The following P3H2 variants were observed in gnomAD, a reference collection of about 807,000 sequenced individuals.
The protein encoded by P3H2 is leprecan-like 1.
P3H2 carries 80 observed loss-of-function variants against 87.0 expected under a neutral mutation model. That is an observed-to-expected ratio of 0.92 (90% CI 0.77 to 1.11). The LOEUF is 1.11. Ranked by LOEUF, P3H2 falls within the 50% of genes least tolerant of loss-of-function variation. The pLI, the probability that P3H2 is intolerant of heterozygous loss-of-function variation, is 0.00. For missense variants in P3H2, 1,001 were observed against 923.9 expected (o/e 1.08, Z -1.08); for synonymous variants, 367 against 359.3 (o/e 1.02, Z -0.24).
At chr3:190,099,090 T>A in intron 1 of P3H2, among the ~76,000 whole-genome samples, 1 of 152,274 alleles carries the variant, frequency 6.6e-6, no homozygotes, top group East Asian at 1.9e-4. Context: ...GATATAAGAA[T>A]AATAACAAAT....
In P3H2 at chr3:190,019,545, A is replaced by C. The variant is rs373342490; in HGVS notation, c.481-24103T>G. Among the ~76,000 whole-genome samples, 98 of 148,088 alleles carry C rather than the reference A, an allele frequency of 6.6e-4. 12 individuals are homozygous for C. In the South Asian group the frequency reaches 0.017, roughly 26 times the overall value. ...TGTCCCTTTATCCCTATATCCATAG[A>C]TGTCTGGATGCTCATTATCGTTTCT... On this transcript the variant is annotated intron_variant, in intron 1 of 14. Coordinates refer to ENST00000319332, the MANE Select transcript of P3H2 (RefSeq NM_018192.4).
At chr3:189,967,893 T>G (rs1328005236) in intron 13 of P3H2, among the ~76,000 whole-genome samples, 1 of 152,324 alleles carries the variant, frequency 6.6e-6, no homozygotes, top group East Asian at 1.9e-4. Context: ...TACTGTGTGA[T>G]GAATAACATA....
At chr3:190,036,688 T>C (rs897851614) in intron 1 of P3H2, among the ~76,000 whole-genome samples, 2 of 152,214 alleles carry the variant, frequency 1.3e-5, no homozygotes, top group African/African-American at 4.8e-5. Flanking sequence ...TCACTGAGTC[T>C]ACCTTTGACT....
chr3:190,035,791 G>A (rs1725400437), intron 1 of P3H2, among the ~76,000 whole-genome samples: 1 of 152,102 alleles, frequency 6.6e-6, no homozygotes, highest in Non-Finnish European at 1.5e-5. Context: ...GCTGCTTGGG[G>A]GATTTAAAGC....
At chr3:190,052,537 T>A (rs1479516685) in intron 1 of P3H2, among the ~76,000 whole-genome samples, 2 of 107,884 alleles carry the variant, frequency 1.9e-5, no homozygotes, top group Non-Finnish European at 4.9e-5. Context: ...TCTTTCTCCA[T>A]GCTTAGCACT....
intron 1 of P3H2, 97 bp downstream of exon 1, chr3:190,120,155 G>A: frequency 7.0e-7 from 1 of 1,434,302 alleles, no homozygotes; most frequent in African/African-American, 1.4e-5. Context: ...GACCCAATTC[G>A]AAAGACTGAA....
intron 1 of P3H2, among the ~76,000 whole-genome samples, chr3:190,015,958 C>T (rs1054260565): frequency 2.0e-5 from 3 of 152,018 alleles, no homozygotes; most frequent in South Asian, 2.1e-4. Context: ...TGTGTATCTG[C>T]GTTGGAGGGT....
At position 189,974,623 on chromosome 3, in the gene P3H2, G is replaced by A. The variant is rs1440913446; in HGVS notation, c.1387C>T (p.Gln463Ter). 3.7e-6 allele frequency: 6 copies of A among 1,614,042 alleles called. No individual in the cohort carries two copies. The highest frequency in any genetic ancestry group is 5.1e-6 in the Non-Finnish European group (6 of 1,180,034). Residue 463 changes from glutamine (Q) to a stop codon, truncating the protein, a stop_gained, in exon 9 of 15, where the codon CAG (glutamine) becomes TAG (stop). Coordinates refer to ENST00000319332, the MANE Select transcript of P3H2 (RefSeq NM_018192.4). LOFTEE classifies it high-confidence loss of function. ...AGGACGTTATCCAGGAGAACCCGCT[G>A]AGTCCCGTTCAGCTGCTCCGAGTTG... ...VYNSEQLNGT[Q>*]RVLLDNVLSE...
intron 1 of P3H2, among the ~76,000 whole-genome samples, chr3:190,088,101 A>C (rs1727286186): frequency 6.6e-6 from 1 of 152,196 alleles, no homozygotes; most frequent in African/African-American, 2.4e-5. Flanking sequence ...TATGAAACAC[A>C]TGGAAATAAT....
chr3:189,978,741 CA>C (rs1036314089), intron 8 of P3H2, among the ~76,000 whole-genome samples: 1 of 151,172 alleles, frequency 6.6e-6, no homozygotes, highest in Non-Finnish European at 1.5e-5. Context: ...GCAAGTCAAC[CA>C]GCCTCCATAT....
At chr3:190,036,280 T>A (rs1355161211) in intron 1 of P3H2, among the ~76,000 whole-genome samples, 1 of 152,196 alleles carries the variant, frequency 6.6e-6, no homozygotes, top group Non-Finnish European at 1.5e-5. Context: ...TAATGATGCA[T>A]TCCACATATT....
At chr3:190,011,753 A>G (rs1724596853) in intron 1 of P3H2, among the ~76,000 whole-genome samples, 2 of 152,218 alleles carry the variant, frequency 1.3e-5, no homozygotes, top group South Asian at 4.1e-4. Context: ...ACACAATCAT[A>G]TGGTAGAGTA....
At chr3:189,966,265 G>A (rs988964587) in intron 13 of P3H2, among the ~76,000 whole-genome samples, 17 of 152,290 alleles carry the variant, frequency 1.1e-4, no homozygotes, top group Admixed American at 4.6e-4. Context: ...CCTGGTGCTG[G>A]TCAGGACTCA....
At chr3:190,017,215 G>A (rs557152110) in intron 1 of P3H2, among the ~76,000 whole-genome samples, 1 of 152,170 alleles carries the variant, frequency 6.6e-6, no homozygotes, top group East Asian at 1.9e-4. Flanking sequence ...GAGAACCAGA[G>A]ATACATGATA....
chr3:190,078,169 T>C (rs762558804), intron 1 of P3H2, among the ~76,000 whole-genome samples: 95 of 152,286 alleles, frequency 6.2e-4, no homozygotes, highest in Non-Finnish European at 1.2e-3. Context: ...GTGAGACTTA[T>C]TTAGCACTCA....
intron 4 of P3H2, 30 bp downstream of exon 4, chr3:189,988,877 A>G (rs1368823112): frequency 1.2e-6 from 2 of 1,613,562 alleles, no homozygotes; most frequent in Non-Finnish European, 1.7e-6. Flanking sequence ...CAACCCCCCA[A>G]GAAGTCTTCA....
intron 10 of P3H2, 96 bp from the exon 11 acceptor site, chr3:189,973,120 C>G (rs1371168669): frequency 1.3e-5 from 15 of 1,134,544 alleles, no homozygotes; most frequent in Non-Finnish European, 1.8e-5. Flanking sequence ...ATAGGATTGT[C>G]ATGTCTGTAT....
chr3:190,036,013 A>C (rs1377704488), intron 1 of P3H2, among the ~76,000 whole-genome samples: 1 of 152,172 alleles, frequency 6.6e-6, no homozygotes, highest in Admixed American at 6.5e-5. Flanking sequence ...ATTTCTGACC[A>C]GTTATTTTAT....
intron 1 of P3H2, among the ~76,000 whole-genome samples, chr3:190,006,829 C>T (rs774211599): frequency 4.6e-5 from 7 of 152,208 alleles, no homozygotes; most frequent in East Asian, 1.9e-4. Flanking sequence ...TTTTGGATAA[C>T]GTGGCTCATG....
Sources: allele counts gnomAD v4.1 joint callset (sites outside exome capture counted in the v4.1 genomes callset), GRCh38; gene constraint gnomAD v4.1.1; transcripts MANE v1.5; gene names NCBI Gene and HGNC (gene_info 2026-07-23, HGNC 2026-07-21).